The following NMS variants were observed in gnomAD, a reference collection of about 807,000 sequenced individuals.
The protein encoded by NMS is neuromedin S.
In NMS, 30 loss-of-function variants were observed where a neutral mutation model predicts 32.2. The observed-to-expected ratio is 0.93, with a 90% CI of 0.70 to 1.26. The LOEUF (loss-of-function observed/expected upper bound fraction) is 1.26. NMS is among the 50% of genes most tolerant of loss of function. The pLI is 0.00. For synonymous variants in NMS, 76 were observed against 58.5 expected, an observed-to-expected ratio of 1.30 and a Z score of -1.37; for missense variants, 190 against 186.3, an observed-to-expected ratio of 1.02 and a Z score of -0.12.
chr2:100,472,953 C>T (rs1310696176), intron 2 of NMS, 103 bp downstream of exon 2: 21 of 759,600 alleles, frequency 2.8e-5, no homozygotes, highest in Non-Finnish European at 3.4e-5. Context: ...AGATTTTTGG[C>T]TGCAGCAGAA....
At chr2:100,481,980 C>A (rs1186995160) in intron 8 of NMS, among the ~76,000 whole-genome samples, 1 of 152,168 alleles carries the variant, frequency 6.6e-6, no homozygotes, top group African/African-American at 2.4e-5. Flanking sequence ...CTGGGCAGTT[C>A]TGTGTTGGAT....
chr2:100,476,285 A>T (rs980750677), intron 3 of NMS, among the ~76,000 whole-genome samples: 11 of 152,196 alleles, frequency 7.2e-5, no homozygotes, highest in African/African-American at 2.2e-4. Flanking sequence ...AATGGTGATT[A>T]TAAGGAAATA....
rs1677172201 is a variant in NMS, at chr2:100,479,362, G to C, written c.271G>C (p.Val91Leu). ...CGCCTGTCTGTTGCAGTTTCCTCCA[G>C]TGCATCCTCTAATGCACCTGGCTGC... ...THPVKTGFPP[V>L]HPLMHLAAKL... The change falls in exon 6 of 10, where the codon GTG (valine) becomes CTG (leucine). Residue 91 changes from valine to leucine, a missense_variant. By Grantham distance (32) the Val-to-Leu change is conservative. Coordinates refer to ENST00000376865, the MANE Select transcript of NMS (RefSeq NM_001011717.1). 16 of 1,609,190 alleles carry C rather than the reference G, an allele frequency of 9.9e-6. No individual in the cohort carries two copies. The highest frequency in any genetic ancestry group is 1.7e-5 in the Admixed American group (1 of 59,216).
rs764435113 is a variant in NMS at position 100,470,524 on chromosome 2, G to T, written c.36G>T (p.Leu12Phe). 5.0e-6 allele frequency: 8 copies of T among 1,613,888 alleles called. No individual in the cohort carries two copies. The East Asian group carries it at 1.6e-4, about 31-fold the overall frequency. The change falls in exon 1 of 10, where the codon TTG (leucine) becomes TTT (phenylalanine). Residue 12 changes from leucine (L) to phenylalanine (F), a missense_variant. By Grantham distance (22) the Leu-to-Phe change is conservative. Transcript: ENST00000376865. ...TTCGTCCCCAGTTCCCTCTCATCTT[G>T]GCCATCTACTGCTTCTGCATGCTAC... ...KHLRPQFPLI[L>F]AIYCFCMLQI...
At position 100,481,129 on chromosome 2, in the gene NMS, C is replaced by CT. The variant is rs772091433; in HGVS notation, c.376_377insT (p.His126LeufsTer21). ...CTTGTGTTTCTATATGTTGCAGGAT[C>CT]ACACTGCGACCTGGGGACGACCCTT... On this transcript the variant is annotated frameshift_variant, in exon 8 of 10. Transcript: ENST00000376865. LOFTEE classifies it high-confidence loss of function. 4.3e-6 allele frequency: 7 copies of CT among 1,613,976 alleles called. No homozygotes were observed. Among genetic ancestry groups the CT allele is most frequent in the Non-Finnish European group, 5.1e-6 (6 of 1,179,960 alleles).
intron 8 of NMS, among the ~76,000 whole-genome samples, chr2:100,481,496 G>A (rs916341768): frequency 2.0e-5 from 3 of 152,202 alleles, no homozygotes; most frequent in Non-Finnish European, 4.4e-5. Flanking sequence ...ACACATGGCA[G>A]GAGGAGCTTA....
chr2:100,474,377 C>A (rs951904499), intron 3 of NMS, among the ~76,000 whole-genome samples: 1 of 152,170 alleles, frequency 6.6e-6, no homozygotes, highest in African/African-American at 2.4e-5. Flanking sequence ...CACAGTGAAT[C>A]TATCAGTGAA....
intron 3 of NMS, among the ~76,000 whole-genome samples, chr2:100,475,867 C>T (rs1211340236): frequency 6.6e-5 from 10 of 151,670 alleles, no homozygotes; most frequent in South Asian, 2.1e-4. Flanking sequence ...GGCGTGGTGG[C>T]GTGTGCCTGT....
chr2:100,481,017 G>T, intron 7 of NMS, 109 bp from the exon 8 acceptor site: 1 of 1,029,548 alleles, frequency 9.7e-7, no homozygotes, highest in East Asian at 2.4e-5. Context: ...GAGGTTGTTG[G>T]TGCCACTGGT....
chr2:100,479,906 G>C (rs1677184067), intron 6 of NMS, among the ~76,000 whole-genome samples: 1 of 152,024 alleles, frequency 6.6e-6, no homozygotes, highest in Admixed American at 6.6e-5. Flanking sequence ...TTGTTTCATG[G>C]TAGCAAAAAT....
chr2:100,481,035 C>G, intron 7 of NMS, 91 bp from the exon 8 acceptor site: 1 of 1,299,140 alleles, frequency 7.7e-7, no homozygotes, highest in Admixed American at 1.7e-5. Flanking sequence ...GGTCTGGGAC[C>G]ACCCATTTTG....
At chr2:100,476,761 T>G (rs535770522) in intron 3 of NMS, among the ~76,000 whole-genome samples, 2 of 152,284 alleles carry the variant, frequency 1.3e-5, no homozygotes, top group South Asian at 2.1e-4. Flanking sequence ...CTGAGGTGCG[T>G]GCACTGGCAA....
At chr2:100,482,028 A>AG (rs981802808) in intron 8 of NMS, among the ~76,000 whole-genome samples, 3 of 151,914 alleles carry the variant, frequency 2.0e-5, no homozygotes, top group Admixed American at 6.6e-5. Flanking sequence ...CAAAGACTAA[A>AG]GGGGGGGGAT....
Position 100,470,537 on chromosome 2 carries a change from T to C in NMS, c.49T>C (p.Phe17Leu). ...CCCTCTCATCTTGGCCATCTACTGC[T>C]TCTGCATGCTACAGATTCCCTCCTC... Reference protein sequence around the residue: ...QFPLILAIYCFCMLQIPSSGF... With the variant: ...QFPLILAIYCLCMLQIPSSGF... Residue 17 changes from phenylalanine (F) to leucine (L), a missense_variant, in exon 1 of 10, where the codon TTC becomes CTC. By Grantham distance (22) the Phe-to-Leu change is conservative. Coordinates refer to ENST00000376865, the MANE Select transcript of NMS (RefSeq NM_001011717.1). The C allele has an allele frequency of 6.2e-7, 1 of 1,613,988 alleles. No homozygotes were observed.
In NMS at chr2:100,477,412, G is replaced by A. The variant is rs1677132924; in HGVS notation, c.259G>A (p.Gly87Arg). ...GGAGGCAACACATCCAGTTAAAACT[G>A]GGGTCAGTATTTTATTATAATCATC... ...TQEATHPVKT[G>R]FPPVHPLMHL... Residue 87 changes from glycine to arginine, a missense_variant and splice_region_variant, in exon 5 of 10, where the codon GGG becomes AGG. By Grantham distance (125) the Gly-to-Arg change is moderately radical. Transcript: ENST00000376865. 4 of 1,610,330 alleles carry A rather than the reference G, an allele frequency of 2.5e-6. No homozygotes were observed. The highest frequency in any genetic ancestry group is 1.3e-5 in the African/African-American group (1 of 74,982).
chr2:100,480,467 G>A lies in NMS; in HGVS notation c.337-29G>A, dbSNP rs373100225. 1.9e-5 allele frequency: 31 copies of A among 1,612,636 alleles called. No homozygotes were observed. In the African/African-American group the frequency reaches 2.5e-4, roughly 13 times the overall value. ...GCAAGGTCATGATGTGGTTCCTGTT[G>A]AATTAACCTGTGCCTCATTTCCTTG... On this transcript the variant is annotated intron_variant, in intron 6 of 9. Transcript: ENST00000376865.
At chr2:100,482,668 C>G (rs535733389) in intron 9 of NMS, among the ~76,000 whole-genome samples, 1 of 152,272 alleles carries the variant, frequency 6.6e-6, no homozygotes, top group Admixed American at 6.5e-5. Flanking sequence ...GAAACACCAC[C>G]CTGTCATGCT....
rs1677118757 is a variant in NMS at position 100,476,800 on chromosome 2, TGCAAGGATAGCA to T, written c.184-443_184-432del. 2.0e-5 allele frequency among the ~76,000 whole-genome samples: 3 copies of T among 152,184 alleles called. No individual in the cohort carries two copies. In the South Asian group the frequency reaches 6.2e-4, roughly 31 times the overall value. On this transcript the variant is annotated intron_variant, in intron 3 of 9. Transcript: ENST00000376865. ...TTTAGAAACGGAAAATTGGACTTTC[TGCAAGGATAGCA>T]AAAATTCATGTAGAAAGCTTTTGGA...
At chr2:100,482,441 C>T (rs1677237544) in intron 9 of NMS, 130 bp downstream of exon 9, 3 of 841,264 alleles carry the variant, frequency 3.6e-6, no homozygotes, top group East Asian at 2.5e-5. Context: ...TTCATAACCC[C>T]CAGGAACTCT....
Sources: gnomAD v4.1 joint callset for allele counts (sites outside exome capture counted in the v4.1 genomes callset) on GRCh38, gnomAD v4.1.1 for gene constraint, MANE v1.5 for transcripts, NCBI Gene and HGNC (gene_info 2026-07-23, HGNC 2026-07-21) for gene names.